Variants in PCDH15 observed in about 807,000 individuals in gnomAD.
PCDH15 encodes the protein protocadherin-15.
A neutral mutation model predicts 178.5 loss-of-function variants in PCDH15; 129 were observed. That is an observed-to-expected ratio of 0.72 (90% CI 0.63 to 0.84). PCDH15 has a LOEUF of 0.84. Ranked by LOEUF, PCDH15 falls within the 40% of genes least tolerant of loss-of-function variation. PCDH15 has a pLI of 0.00. For synonymous variants in PCDH15, 800 were observed against 732.0 expected (o/e 1.09, Z -1.50); for missense variants, 2,230 against 2,099.9 (o/e 1.06, Z -1.21).
At chr10:55,577,752 C>G (rs1842524017) in intron 2 of PCDH15, among the ~76,000 whole-genome samples, 1 of 152,162 alleles carries the variant, frequency 6.6e-6, no homozygotes, top group African/African-American at 2.4e-5. Context: ...GGTGATCAAT[C>G]CACACAACCT....
At chr10:54,780,733 T>TAAA (rs35494053) in intron 1 of PCDH15, among the ~76,000 whole-genome samples, 4 of 114,334 alleles carry the variant, frequency 3.5e-5, no homozygotes, top group Admixed American at 1.8e-4. Flanking sequence ...AGCAATTGTG[T>TAAA]AAAAAAAAAA....
At chr10:54,371,708 A>T (rs1947696818) in intron 4 of PCDH15, among the ~76,000 whole-genome samples, 1 of 151,192 alleles carries the variant, frequency 6.6e-6, no homozygotes, top group Non-Finnish European at 1.5e-5. Flanking sequence ...AGTTTTTAAA[A>T]AATAACAAAT....
At chr10:54,047,414 T>C (rs1210093729) in intron 18 of PCDH15, among the ~76,000 whole-genome samples, 2 of 151,882 alleles carry the variant, frequency 1.3e-5, no homozygotes, top group Non-Finnish European at 2.9e-5. Flanking sequence ...TTTCAACTTT[T>C]ATTTAGATTC....
At chr10:54,878,358 G>T (rs866633529) in intron 3 of PCDH15, among the ~76,000 whole-genome samples, 14 of 152,202 alleles carry the variant, frequency 9.2e-5, no homozygotes, top group Admixed American at 2.6e-4. Context: ...TCCTTGTCAT[G>T]TGTACATAGT....
intron 1 of PCDH15, among the ~76,000 whole-genome samples, chr10:54,718,564 A>T (rs1251696784): frequency 6.6e-6 from 1 of 152,094 alleles, no homozygotes; most frequent in Non-Finnish European, 1.5e-5. Context: ...ATTCCATCCA[A>T]ATTAAAACAA....
At chr10:54,796,319 T>TATCTATC (rs1564483816) in intron 1 of PCDH15, among the ~76,000 whole-genome samples, 11 of 148,024 alleles carry the variant, frequency 7.4e-5, no homozygotes, top group South Asian at 6.4e-4. Flanking sequence ...TCTATCTATC[T>TATCTATC]ATCATCATCA....
At chr10:53,934,966 A>G (rs1016091750) in intron 25 of PCDH15, among the ~76,000 whole-genome samples, 2 of 152,018 alleles carry the variant, frequency 1.3e-5, no homozygotes, top group Non-Finnish European at 2.9e-5. Context: ...TAAAAAAAAA[A>G]TCCCTAAATG....
chr10:55,379,310 T>C (rs1196001032), intron 2 of PCDH15, among the ~76,000 whole-genome samples: 3 of 151,854 alleles, frequency 2.0e-5, no homozygotes, highest in Non-Finnish European at 4.4e-5. Context: ...CCCCTGTCAA[T>C]ATACTAACAG....
intron 10 of PCDH15, among the ~76,000 whole-genome samples, chr10:54,202,825 A>AC (rs2050387711): frequency 7.1e-6 from 1 of 141,258 alleles, no homozygotes; most frequent in Non-Finnish European, 1.5e-5. Flanking sequence ...AAAAAAAAAA[A>AC]AAAAAAGTAG....
intron 8 of PCDH15, among the ~76,000 whole-genome samples, chr10:54,240,719 C>T (rs373448832): frequency 1.7e-4 from 26 of 149,824 alleles, no homozygotes; most frequent in African/African-American, 6.1e-4. Context: ...GCAAGCTCCG[C>T]CTCCCGGGTT....
At chr10:54,898,343 T>A (rs1413593038) in intron 2 of PCDH15, among the ~76,000 whole-genome samples, 1 of 152,184 alleles carries the variant, frequency 6.6e-6, no homozygotes, top group Admixed American at 6.6e-5. Context: ...AATATCATAA[T>A]AAAGTTTTGG....
intron 3 of PCDH15, among the ~76,000 whole-genome samples, chr10:54,512,633 T>C (rs1565464706): frequency 6.6e-6 from 1 of 152,056 alleles, no homozygotes; most frequent in East Asian, 1.9e-4. Flanking sequence ...AACATATTGA[T>C]GTTTGTTAAA....
At chr10:54,961,281 C>T (rs1838647615) in intron 2 of PCDH15, among the ~76,000 whole-genome samples, 1 of 152,214 alleles carries the variant, frequency 6.6e-6, no homozygotes, top group African/African-American at 2.4e-5. Context: ...CCATGGCACC[C>T]TCCAGACTTT....
chr10:54,337,516 A>G (rs1249508667), intron 6 of PCDH15, among the ~76,000 whole-genome samples: 2 of 152,098 alleles, frequency 1.3e-5, no homozygotes, highest in Non-Finnish European at 2.9e-5. Flanking sequence ...TTTATAAATT[A>G]CCCAGTCTCA....
intron 28 of PCDH15, 71 bp downstream of exon 28, chr10:53,857,103 TA>T: frequency 8.9e-7 from 1 of 1,129,380 alleles, no homozygotes; most frequent in Non-Finnish European, 1.3e-6. Flanking sequence ...GAATCTAAAA[TA>T]AAATTTAAAA....
At chr10:54,580,192 T>C (rs1481167065) in intron 2 of PCDH15, among the ~76,000 whole-genome samples, 1 of 151,928 alleles carries the variant, frequency 6.6e-6, no homozygotes, top group Non-Finnish European at 1.5e-5. Context: ...AGTTGGGACT[T>C]TGAAAGCATA....
At chr10:54,172,181 A>G (rs1167251438) in intron 13 of PCDH15, among the ~76,000 whole-genome samples, 3 of 152,158 alleles carry the variant, frequency 2.0e-5, no homozygotes, top group African/African-American at 7.2e-5. Flanking sequence ...ACCTTAACTG[A>G]TGACATTCCA....
chr10:53,840,546 A>G, intron 28 of PCDH15, 50 bp from the exon 29 acceptor site: 2 of 1,526,950 alleles, frequency 1.3e-6, no homozygotes, highest in East Asian at 2.3e-5. Context: ...GCTTTCTGGG[A>G]GTAAAAAATT....
At chr10:54,007,273 C>T (rs1254342631) in intron 20 of PCDH15, among the ~76,000 whole-genome samples, 1 of 152,020 alleles carries the variant, frequency 6.6e-6, no homozygotes, top group East Asian at 1.9e-4. Flanking sequence ...TTTCACTTTC[C>T]AGAGATTTGC....
Sources: allele counts gnomAD v4.1 joint callset (sites outside exome capture counted in the v4.1 genomes callset), GRCh38; gene constraint gnomAD v4.1.1; transcripts MANE v1.5; gene names NCBI Gene and HGNC (gene_info 2026-07-23, HGNC 2026-07-21).